SPG11: variants seen among roughly 807,000 people sequenced by gnomAD.
The protein encoded by SPG11 is spatacsin.
A neutral mutation model predicts 274.0 loss-of-function variants in SPG11; 222 were observed. That is an observed-to-expected ratio of 0.81 (90% CI 0.73 to 0.91). SPG11 has a LOEUF of 0.91. Ranked by LOEUF, SPG11 falls within the 40% of genes least tolerant of loss-of-function variation. The pLI is 0.00. For missense variants in SPG11, 3,114 were observed against 2,872.7 expected, an observed-to-expected ratio of 1.08 and a Z score of -1.92; for synonymous variants, 1,144 against 1,039.7, an observed-to-expected ratio of 1.10 and a Z score of -1.93.
rs1206271338 is a variant in SPG11 at position 44,574,388 on chromosome 15, C to CA, written c.6006+513dup. ...ATTCCCAGAGCAGCAGCAAAACCCT[C>CA]AATTTCCAAAGAAGTCTTTGAGTCT... On this transcript the variant is annotated intron_variant, in intron 31 of 39. Transcript: ENST00000261866. Among the ~76,000 whole-genome samples, 6 of 152,286 alleles carry CA rather than the reference C, an allele frequency of 3.9e-5. No homozygotes were observed. The East Asian group carries it at 1.2e-3, about 29-fold the overall frequency.
intron 8 of SPG11, among the ~76,000 whole-genome samples, chr15:44,630,429 C>A (rs1372354278): frequency 6.6e-6 from 1 of 152,176 alleles, no homozygotes; most frequent in Non-Finnish European, 1.5e-5. Context: ...AATAATGACT[C>A]TACAACTGCT....
chr15:44,607,558 T>C (rs2083353554), intron 19 of SPG11, among the ~76,000 whole-genome samples: 3 of 152,190 alleles, frequency 2.0e-5, no homozygotes. Context: ...CATGAGCCAC[T>C]GCACCCGGCT....
At chr15:44,641,904 C>A (rs1462288657) in intron 7 of SPG11, among the ~76,000 whole-genome samples, 1 of 111,850 alleles carries the variant, frequency 8.9e-6, no homozygotes. Context: ...AGAAACTTTA[C>A]AGCAACACTG....
At chr15:44,650,268 T>C (rs1173248880) in intron 6 of SPG11, among the ~76,000 whole-genome samples, 1 of 152,004 alleles carries the variant, frequency 6.6e-6, no homozygotes, top group Non-Finnish European at 1.5e-5. Flanking sequence ...CCTGTAATCC[T>C]AGCACTTTGG....
intron 4 of SPG11, among the ~76,000 whole-genome samples, chr15:44,653,434 C>T (rs1245005861): frequency 2.0e-5 from 3 of 152,048 alleles, no homozygotes; most frequent in Non-Finnish European, 4.4e-5. Context: ...GTTCCCCCAT[C>T]AACAAAATAA....
rs1555448839 is a variant in SPG11 at position 44,583,924 on chromosome 15, G to A, written c.5756C>T (p.Ser1919Leu). 2 of 1,614,176 alleles carry A rather than the reference G, an allele frequency of 1.2e-6. No homozygotes were observed. Among genetic ancestry groups the A allele is most frequent in the Non-Finnish European group, 8.5e-7 (1 of 1,180,032 alleles). ...ALVLHCRALA[S>L]GEASMEDLHP... ...CAGATCCTCCATACTAGCTTCCCCT[G>A]AGGCCAGTGCTCTGCAGTGCAATAC... Residue 1919 changes from serine (S) to leucine (L), a missense_variant, in exon 30 of 40, where the codon TCA becomes TTA. Transcript: ENST00000261866.
At chr15:44,634,295 T>C (rs2084172240) in intron 7 of SPG11, among the ~76,000 whole-genome samples, 1 of 152,124 alleles carries the variant, frequency 6.6e-6, no homozygotes, top group Admixed American at 6.6e-5. Flanking sequence ...GGCAGTACAA[T>C]ATAAAGTCCT....
intron 30 of SPG11, among the ~76,000 whole-genome samples, chr15:44,575,488 A>T (rs536706084): frequency 6.8e-6 from 1 of 147,966 alleles, no homozygotes; most frequent in East Asian, 2.0e-4. Flanking sequence ...TCGGTCTCCA[A>T]CATACTTTTT....
At chr15:44,652,003 A>C in intron 5 of SPG11, 64 bp from the exon 6 acceptor site, 1 of 1,573,228 alleles carries the variant, frequency 6.4e-7, no homozygotes, top group Non-Finnish European at 8.6e-7. Context: ...TAAAACACTA[A>C]ACCAGGGCAA....
chr15:44,577,034 G>T (rs1422848127), intron 30 of SPG11, among the ~76,000 whole-genome samples: 2 of 151,988 alleles, frequency 1.3e-5, no homozygotes, highest in Admixed American at 1.3e-4. Context: ...CACCATGTTG[G>T]CCAGGCTGGT....
At position 44,562,730 on chromosome 15, in the gene SPG11, G is replaced by A. The variant is rs1265469763; in HGVS notation, c.*391C>T. The A allele has an allele frequency of 1.1e-5, 2 of 176,806 alleles. No homozygotes were observed. Among genetic ancestry groups the A allele is most frequent in the African/African-American group, 4.8e-5 (2 of 41,834 alleles). The allele number at this position is 176,806 out of a possible 1,614,324, so 11.0% of individuals were successfully genotyped here. Reference sequence around the variant, plus strand: ...AATCTATTTTATTACAGAAAGATCAGTTTCTAACAAATGAAAATGTATCAC... The same window carrying A: ...AATCTATTTTATTACAGAAAGATCAATTTCTAACAAATGAAAATGTATCAC... On this transcript the variant is annotated 3_prime_UTR_variant, in exon 40 of 40. Transcript: ENST00000261866.
At position 44,579,247 on chromosome 15, in the gene SPG11, G is replaced by A. The variant is rs1316946636; in HGVS notation, c.5867-4206C>T. 2.0e-5 allele frequency among the ~76,000 whole-genome samples: 3 copies of A among 149,210 alleles called. No homozygotes were observed. In the East Asian group the frequency reaches 6.1e-4, roughly 30 times the overall value. On this transcript the variant is annotated intron_variant, in intron 30 of 39. Transcript: ENST00000261866. ...ATAAGAAAAAGCAGGAAGAGGGGCT[G>A]GGCGTGGTGGCTCACGCCTGTAATC...
Position 44,633,534 on chromosome 15 carries a change from T to A in SPG11, c.1706A>T (p.Asp569Val), listed in dbSNP as rs779482131. The change falls in exon 8 of 40, where the codon GAT (aspartate) becomes GTT (valine). Residue 569 changes from aspartate to valine, a missense_variant. Asp to Val is a radical substitution (Grantham distance 152). Transcript: ENST00000261866. ...TAAATATAAATGGGATGACAAGTGA[T>A]CAAACTGATCAGATACAGAAGATTT... ...SSKSSVSDQF[D>V]HLSSHLYLRN... 1 of 1,607,452 alleles carries A rather than the reference T, an allele frequency of 6.2e-7. No individual in the cohort carries two copies. Among genetic ancestry groups the A allele is most frequent in the Non-Finnish European group, 8.5e-7 (1 of 1,174,938 alleles).
At chr15:44,648,456 T>C (rs2084666677) in intron 7 of SPG11, among the ~76,000 whole-genome samples, 2 of 145,914 alleles carry the variant, frequency 1.4e-5, no homozygotes, top group South Asian at 4.3e-4. Context: ...GAGGTTGCAG[T>C]GAGCTGAGAT....
intron 21 of SPG11, among the ~76,000 whole-genome samples, chr15:44,599,750 T>C (rs1595865127): frequency 6.6e-6 from 1 of 152,248 alleles, no homozygotes; most frequent in East Asian, 1.9e-4. Flanking sequence ...TAAATCTATA[T>C]TTAGCTGTTC....
chr15:44,629,108 C>G, intron 9 of SPG11, 125 bp downstream of exon 9: 1 of 1,164,252 alleles, frequency 8.6e-7, no homozygotes, highest in East Asian at 2.3e-5. Context: ...CAACTACACA[C>G]TGACCTTACC....
chr15:44,586,606 T>G (rs1031929266), intron 28 of SPG11, among the ~76,000 whole-genome samples: 1 of 152,008 alleles, frequency 6.6e-6, no homozygotes, highest in African/African-American at 2.4e-5. Flanking sequence ...ATGGTGCCAT[T>G]GTACTCCAGC....
rs919363085 is a variant in SPG11, at chr15:44,652,259, G to A, written c.877C>T (p.Pro293Ser). The A allele has an allele frequency of 6.2e-7, 1 of 1,613,872 alleles. No individual in the cohort carries two copies. Among genetic ancestry groups the A allele is most frequent in the Admixed American group, 1.7e-5 (1 of 59,998 alleles). Residue 293 changes from proline (P) to serine (S), a missense_variant, in exon 5 of 40, where the codon CCA becomes TCA. Transcript: ENST00000261866. Reference protein sequence around the residue: ...LNLNLYFRQHPGHLLCERILE... With the variant: ...LNLNLYFRQHSGHLLCERILE... ...ATTCTTTCACACAGTAGGTGTCCTG[G>A]GTGTTGCCTACATTTAAAAATAATG...
At chr15:44,583,747 T>C (rs1595842221) in intron 30 of SPG11, 67 bp downstream of exon 30, 2 of 1,608,658 alleles carry the variant, frequency 1.2e-6, no homozygotes, top group Non-Finnish European at 8.5e-7. Flanking sequence ...CAAGGGTCCC[T>C]TCCTTCTTGG....
Sources: allele counts gnomAD v4.1 joint callset (sites outside exome capture counted in the v4.1 genomes callset), GRCh38; gene constraint gnomAD v4.1.1; transcripts MANE v1.5; gene names NCBI Gene and HGNC (gene_info 2026-07-23, HGNC 2026-07-21).